The following ICA1 variants were observed in gnomAD, a reference collection of about 807,000 sequenced individuals.
ICA1 encodes the protein islet cell autoantigen 1.
A neutral mutation model predicts 71.0 loss-of-function variants in ICA1; 40 were observed. The ratio of observed to expected loss-of-function variants is 0.56; its 90% CI spans 0.44 to 0.73. ICA1 has a LOEUF of 0.73. ICA1 is among the 30% of genes least tolerant of loss of function. The pLI, the probability that ICA1 is intolerant of heterozygous loss-of-function variation, is 0.00. For missense variants in ICA1, 578 were observed against 576.5 expected, an observed-to-expected ratio of 1.00 and a Z score of -0.03; for synonymous variants, 207 against 209.5, an observed-to-expected ratio of 0.99 and a Z score of 0.10.
chr7:8,155,997 T>G (rs1562725973), intron 8 of ICA1, among the ~76,000 whole-genome samples: 1 of 152,218 alleles, frequency 6.6e-6, no homozygotes, highest in Non-Finnish European at 1.5e-5. Context: ...TGTGAACGCA[T>G]TCACCATGCA....
At chr7:8,176,628 G>C (rs1446105340) in intron 6 of ICA1, among the ~76,000 whole-genome samples, 1 of 152,178 alleles carries the variant, frequency 6.6e-6, no homozygotes, top group Admixed American at 6.5e-5. Flanking sequence ...CAGAATGAGT[G>C]AACAAATCAC....
At chr7:8,202,870 G>GCACA (rs1319776851) in intron 6 of ICA1, among the ~76,000 whole-genome samples, 10 of 152,018 alleles carry the variant, frequency 6.6e-5, no homozygotes, top group Non-Finnish European at 8.8e-5. Flanking sequence ...TAGACACACC[G>GCACA]CACGAATGGG....
At chr7:8,165,385 A>C (rs558563663) in intron 6 of ICA1, among the ~76,000 whole-genome samples, 1 of 152,328 alleles carries the variant, frequency 6.6e-6, no homozygotes, top group South Asian at 2.1e-4. Flanking sequence ...TTCAGGATCT[A>C]TTTTTGGTCT....
At chr7:8,184,948 C>T (rs1021407421) in intron 6 of ICA1, among the ~76,000 whole-genome samples, 1 of 151,982 alleles carries the variant, frequency 6.6e-6, no homozygotes, top group African/African-American at 2.4e-5. Flanking sequence ...GTGGCGTGCG[C>T]CTATAGTCCT....
rs1291909925 is a variant in ICA1, at chr7:8,123,494, T to A, written c.1330+4379A>T. Among the ~76,000 whole-genome samples the A allele has an allele frequency of 1.3e-5, 2 of 152,090 alleles. No homozygotes were observed. The highest frequency in any genetic ancestry group is 2.9e-5 in the Non-Finnish European group (2 of 68,002). ...TCCCCGAGGACTCGGTGCCCCAGTC[T>A]CTCACGGAGAGCCAGGAAAACCTGA... On this transcript the variant is annotated intron_variant, in intron 13 of 13. Transcript: ENST00000402384. This position sits in a 1 kb window ranked among gnomAD's most constrained non-coding sequence, Gnocchi z 4.1.
At chr7:8,159,306 C>T (rs1584720609) in intron 6 of ICA1, among the ~76,000 whole-genome samples, 1 of 152,156 alleles carries the variant, frequency 6.6e-6, no homozygotes, top group African/African-American at 2.4e-5. Context: ...TTAAACCATA[C>T]AGGAATTTGG....
chr7:8,231,039 A>G (rs1800118353), intron 3 of ICA1, among the ~76,000 whole-genome samples: 1 of 152,182 alleles, frequency 6.6e-6, no homozygotes, highest in Non-Finnish European at 1.5e-5. Context: ...AGTACTACGA[A>G]TAAAATAAAA....
chr7:8,180,137 C>A (rs1781770162), intron 6 of ICA1, among the ~76,000 whole-genome samples: 2 of 151,938 alleles, frequency 1.3e-5, no homozygotes, highest in Admixed American at 1.3e-4. Context: ...GAAAAACATA[C>A]CAAACATTTT....
intron 6 of ICA1, among the ~76,000 whole-genome samples, chr7:8,215,434 C>T (rs1382682845): frequency 6.6e-6 from 1 of 152,164 alleles, no homozygotes; most frequent in Non-Finnish European, 1.5e-5. Context: ...CCTGCAGCAC[C>T]ACGTGCCACC....
chr7:8,215,845 A>T (rs1189052734), intron 6 of ICA1, among the ~76,000 whole-genome samples: 1 of 152,208 alleles, frequency 6.6e-6, no homozygotes, highest in Non-Finnish European at 1.5e-5. Context: ...GTCACTCCTG[A>T]GGAGCCACTT....
intron 6 of ICA1, among the ~76,000 whole-genome samples, chr7:8,162,149 A>G (rs1437039443): frequency 2.6e-5 from 4 of 152,224 alleles, no homozygotes; most frequent in Non-Finnish European, 5.9e-5. Flanking sequence ...ATTCTCTTAT[A>G]TCTTAGGAGA....
chr7:8,156,989 G>A (rs1241481524), intron 8 of ICA1, 127 bp downstream of exon 8: 2 of 1,583,318 alleles, frequency 1.3e-6, no homozygotes, highest in Admixed American at 1.8e-5. Flanking sequence ...CTCTGCTGGG[G>A]GCACAGTTCT....
chr7:8,212,768 G>A (rs1292898085), intron 6 of ICA1, among the ~76,000 whole-genome samples: 3 of 152,130 alleles, frequency 2.0e-5, no homozygotes, highest in South Asian at 4.1e-4. Flanking sequence ...TTCCAGTCAG[G>A]AGCAGCAGCC....
At chr7:8,203,591 A>G (rs1441751268) in intron 6 of ICA1, among the ~76,000 whole-genome samples, 3 of 152,182 alleles carry the variant, frequency 2.0e-5, no homozygotes, top group Non-Finnish European at 4.4e-5. Context: ...CAAAATCCTT[A>G]GGTAGAAGCC....
chr7:8,126,331 G>C (rs1194388275), intron 13 of ICA1, among the ~76,000 whole-genome samples: 1 of 152,156 alleles, frequency 6.6e-6, no homozygotes, highest in African/African-American at 2.4e-5. Context: ...CCACAGGTGG[G>C]TGGGGATGAA....
In ICA1 at chr7:8,187,813, C is replaced by T. The variant is rs147305083; in HGVS notation, c.580-29161G>A. Reference sequence around the variant, plus strand: ...TAAGACACACATTAGCCCAGATTTGCACAGATTTAGTATCATCAAGATGTC... The same window carrying T: ...TAAGACACACATTAGCCCAGATTTGTACAGATTTAGTATCATCAAGATGTC... On this transcript the variant is annotated intron_variant, in intron 6 of 13. Coordinates refer to ENST00000402384, the MANE Select transcript of ICA1 (RefSeq NM_001136020.3). 1.9e-4 allele frequency among the ~76,000 whole-genome samples: 29 copies of T among 152,322 alleles called. No individual in the cohort carries two copies. In the East Asian group the frequency reaches 5.4e-3, roughly 28 times the overall value.
intron 6 of ICA1, among the ~76,000 whole-genome samples, chr7:8,180,356 G>A (rs1781834183): frequency 6.6e-6 from 1 of 152,016 alleles, no homozygotes; most frequent in Non-Finnish European, 1.5e-5. Flanking sequence ...TATAGTAACA[G>A]TTCGTTCTTT....
intron 13 of ICA1, among the ~76,000 whole-genome samples, chr7:8,126,914 A>T (rs892214789): frequency 1.3e-5 from 2 of 152,094 alleles, no homozygotes; most frequent in African/African-American, 4.8e-5. Flanking sequence ...AATGCTAGCA[A>T]TTCTCAGCCA....
rs376242891 is a variant in ICA1, at chr7:8,218,515, G to A, written c.381-12C>T. The A allele has an allele frequency of 6.8e-5, 110 of 1,612,868 alleles. No individual in the cohort carries two copies. The highest frequency in any genetic ancestry group is 9.2e-5 in the Non-Finnish European group (108 of 1,179,104). ...TTCGTAAGGCCAACCTAGACAAGAG[G>A]ACAAAGCCACACTCTCAAAACTAAG... is the stretch of plus-strand genomic sequence containing the variant. On this transcript the variant is annotated splice_polypyrimidine_tract_variant and intron_variant, in intron 5 of 13. Coordinates refer to ENST00000402384, the MANE Select transcript of ICA1 (RefSeq NM_001136020.3).
Sources: gnomAD v4.1 joint callset for allele counts (sites outside exome capture counted in the v4.1 genomes callset) on GRCh38, gnomAD v4.1.1 for gene constraint, Gnocchi (gnomAD v3.1) non-coding constraint, MANE v1.5 for transcripts, NCBI Gene and HGNC (gene_info 2026-07-23, HGNC 2026-07-21) for gene names.